SMYD3: variants seen among roughly 807,000 people sequenced by gnomAD.
SMYD3 encodes histone-lysine N-methyltransferase SMYD3.
Under a neutral mutation model 57.7 loss-of-function variants are expected in SMYD3, and 36 were observed. That is an observed-to-expected ratio of 0.62 (90% CI 0.48 to 0.82). SMYD3 has a LOEUF of 0.82. Ranked by LOEUF, SMYD3 falls within the 40% of genes least tolerant of loss-of-function variation. The pLI, the probability that SMYD3 is intolerant of heterozygous loss-of-function variation, is 0.00. For missense variants in SMYD3, 515 were observed against 538.8 expected, an observed-to-expected ratio of 0.96 and a Z score of 0.44; for synonymous variants, 211 against 195.0, an observed-to-expected ratio of 1.08 and a Z score of -0.68.
chr1:245,806,674 G>A (rs575652903), intron 10 of SMYD3, among the ~76,000 whole-genome samples: 44 of 152,200 alleles, frequency 2.9e-4, no homozygotes, highest in African/African-American at 1.0e-3. Context: ...ACTTTGGGAG[G>A]CCGAGGCGGG....
chr1:246,172,795 T>C (rs1286907365), intron 5 of SMYD3, among the ~76,000 whole-genome samples: 6 of 147,212 alleles, frequency 4.1e-5, no homozygotes, highest in Admixed American at 6.7e-5. Flanking sequence ...TTATCAACAC[T>C]GTACACTTAG....
chr1:246,125,814 G>C (rs2061500635), intron 5 of SMYD3, among the ~76,000 whole-genome samples: 1 of 152,084 alleles, frequency 6.6e-6, no homozygotes, highest in Non-Finnish European at 1.5e-5. Flanking sequence ...GATAACGACA[G>C]AGAGGAAAAC....
intron 10 of SMYD3, among the ~76,000 whole-genome samples, chr1:245,804,020 C>A (rs1431840815): frequency 2.0e-5 from 3 of 150,424 alleles, no homozygotes; most frequent in Non-Finnish European, 1.5e-5. Flanking sequence ...TTCAAGGATT[C>A]TCCTGCCTCA....
chr1:246,504,124 T>C (rs1052233154), intron 1 of SMYD3, among the ~76,000 whole-genome samples: 2 of 152,196 alleles, frequency 1.3e-5, no homozygotes, highest in Admixed American at 1.3e-4. Flanking sequence ...CAGGTTCACC[T>C]TTCTCCATTA....
intron 1 of SMYD3, 67 bp downstream of exon 1, chr1:246,506,987 A>ACCCCCCCCCCCCCCCCCCCCC: frequency 1.6e-6 from 1 of 634,734 alleles, no homozygotes; most frequent in Non-Finnish European, 2.2e-6. Context: ...CGGCCGCCCG[A>ACCCCCCCCCCCCCCCCCCCCC]CGCCCCCCCC....
intron 2 of SMYD3, among the ~76,000 whole-genome samples, chr1:246,350,122 T>G (rs891230452): frequency 6.6e-6 from 1 of 152,224 alleles, no homozygotes; most frequent in Non-Finnish European, 1.5e-5. Context: ...AAGAGCTACA[T>G]TAATTCTAGA....
intron 1 of SMYD3, among the ~76,000 whole-genome samples, chr1:246,410,567 G>C (rs939469766): frequency 6.6e-6 from 1 of 152,174 alleles, no homozygotes; most frequent in Non-Finnish European, 1.5e-5. Context: ...GCTGGATTCA[G>C]TTTGCCAGTA....
intron 1 of SMYD3, among the ~76,000 whole-genome samples, chr1:246,402,599 G>A (rs2066791323): frequency 1.3e-5 from 2 of 152,056 alleles, no homozygotes; most frequent in South Asian, 4.1e-4. Flanking sequence ...CAAGATAGAG[G>A]CTAGAAGCCA....
chr1:246,443,538 A>G (rs1572506320), intron 1 of SMYD3, among the ~76,000 whole-genome samples: 1 of 152,232 alleles, frequency 6.6e-6, no homozygotes, highest in Non-Finnish European at 1.5e-5. Context: ...CTTGAAAGAA[A>G]TAAGTCCTAA....
At chr1:246,466,511 A>C (rs988081727) in intron 1 of SMYD3, among the ~76,000 whole-genome samples, 30 of 152,196 alleles carry the variant, frequency 2.0e-4, no homozygotes, top group African/African-American at 6.8e-4. Context: ...GACAACAGAC[A>C]CTGGGGCCTC....
chr1:245,853,665 T>C (rs1417847200), intron 10 of SMYD3, among the ~76,000 whole-genome samples: 1 of 152,140 alleles, frequency 6.6e-6, no homozygotes, highest in Non-Finnish European at 1.5e-5. Flanking sequence ...TAGAAGGTAC[T>C]GTTATGAGGA....
intron 5 of SMYD3, among the ~76,000 whole-genome samples, chr1:246,248,003 C>A (rs1217792441): frequency 6.6e-6 from 1 of 152,160 alleles, no homozygotes; most frequent in Non-Finnish European, 1.5e-5. Context: ...CACCACCTTG[C>A]TGAAACCAAC....
chr1:245,959,824 G>A (rs951725606), intron 5 of SMYD3, among the ~76,000 whole-genome samples: 11 of 152,084 alleles, frequency 7.2e-5, no homozygotes, highest in African/African-American at 2.7e-4. Context: ...TGTTGCCCAG[G>A]CTGTAGTATG....
intron 5 of SMYD3, among the ~76,000 whole-genome samples, chr1:246,262,345 A>C (rs932277935): frequency 2.0e-5 from 3 of 152,192 alleles, no homozygotes; most frequent in African/African-American, 7.2e-5. Flanking sequence ...GAATGGGAAT[A>C]ATGTGTTACT....
intron 5 of SMYD3, among the ~76,000 whole-genome samples, chr1:246,213,710 T>C (rs1316892195): frequency 6.6e-6 from 1 of 152,178 alleles, no homozygotes; most frequent in South Asian, 2.1e-4. Flanking sequence ...CCATTCTCAC[T>C]TCAGCATGAT....
intron 10 of SMYD3, among the ~76,000 whole-genome samples, chr1:245,829,071 CT>C (rs11291631): frequency 0.68 from 88,431 of 130,418 alleles, 31,934 homozygotes; most frequent in Non-Finnish European, 0.82. Flanking sequence ...CTTAGCCTGG[CT>C]TTTTTTTTTT....
chr1:245,756,226 GTCA>G (rs1489754750), intron 11 of SMYD3, among the ~76,000 whole-genome samples: 4 of 150,444 alleles, frequency 2.7e-5, no homozygotes, highest in Admixed American at 6.6e-5. Context: ...CTTTACTAGT[GTCA>G]TCATTTTACC....
intron 8 of SMYD3, among the ~76,000 whole-genome samples, chr1:245,897,997 G>A (rs1055918552): frequency 1.3e-5 from 2 of 152,136 alleles, no homozygotes; most frequent in African/African-American, 4.8e-5. Flanking sequence ...CTTTGTGAGT[G>A]CCTCAGGCCT....
At chr1:246,054,473 C>CAGTGAATGTCCAT (rs2060115116) in intron 5 of SMYD3, among the ~76,000 whole-genome samples, 1 of 152,106 alleles carries the variant, frequency 6.6e-6, no homozygotes, top group Non-Finnish European at 1.5e-5. Flanking sequence ...TGAATGTTCA[C>CAGTGAATGTCCAT]AGTGAATGTC....
Sources: allele counts gnomAD v4.1 joint callset (sites outside exome capture counted in the v4.1 genomes callset), GRCh38; gene constraint gnomAD v4.1.1; transcripts MANE v1.5; gene names NCBI Gene and HGNC (gene_info 2026-07-23, HGNC 2026-07-21).